Variants in MAPK4 observed in about 807,000 individuals in gnomAD.
The protein encoded by MAPK4 is Erk3-related.
A neutral mutation model predicts 47.7 loss-of-function variants in MAPK4; 22 were observed. The observed-to-expected ratio is 0.46, with a 90% CI of 0.33 to 0.66. MAPK4 has a LOEUF of 0.66. Among genes scored for constraint, MAPK4 ranks in the 30% least tolerant of loss-of-function variants. The pLI is 0.02. For synonymous variants in MAPK4, 390 were observed against 365.7 expected (o/e 1.07, Z -0.76); for missense variants, 736 against 831.7 (o/e 0.88, Z 1.42).
At chr18:50,722,224 AG>A (rs1199229149) in intron 4 of MAPK4, 125 bp downstream of exon 4, 27 of 1,108,530 alleles carry the variant, frequency 2.4e-5, no homozygotes, top group Non-Finnish European at 3.2e-5. Context: ...ATAAAAGTCA[AG>A]GCTCCCCTGC....
chr18:50,726,192 G>A lies in MAPK4; in HGVS notation c.1067+17G>A. 6.2e-7 allele frequency: 1 copy of A among 1,611,460 alleles called. No individual in the cohort carries two copies. On this transcript the variant is annotated intron_variant, in intron 5 of 5. Coordinates refer to ENST00000400384, the MANE Select transcript of MAPK4 (RefSeq NM_002747.4). ...CAGTTCCAGGTGCTCGCAGCCCTGG[G>A]TTCCAGAGCCCACATTTCCCTGTCC...
intron 1 of MAPK4, among the ~76,000 whole-genome samples, chr18:50,567,739 T>A (rs930702488): frequency 2.0e-5 from 3 of 151,870 alleles, no homozygotes; most frequent in Non-Finnish European, 4.4e-5. Context: ...TTTGTGTGTG[T>A]GTGTGTGTGT....
intron 2 of MAPK4, among the ~76,000 whole-genome samples, chr18:50,679,872 G>T (rs1258504870): frequency 6.6e-6 from 1 of 151,906 alleles, no homozygotes; most frequent in Non-Finnish European, 1.5e-5. Context: ...TGTCCCTCCT[G>T]GTGGCCTCTC....
At chr18:50,681,636 T>C (rs1230191781) in intron 2 of MAPK4, among the ~76,000 whole-genome samples, 2 of 152,348 alleles carry the variant, frequency 1.3e-5, no homozygotes, top group Middle Eastern at 3.4e-3. Context: ...TTCTTTTGCA[T>C]GTGGGTAATG....
At chr18:50,686,871 C>T (rs146929031) in intron 2 of MAPK4, among the ~76,000 whole-genome samples, 3 of 152,318 alleles carry the variant, frequency 2.0e-5, no homozygotes, top group Non-Finnish European at 4.4e-5. Context: ...GATCTGAGGT[C>T]CCTGGCAAAT....
intron 2 of MAPK4, among the ~76,000 whole-genome samples, chr18:50,690,218 A>C (rs759292706): frequency 2.0e-4 from 30 of 152,336 alleles, no homozygotes; most frequent in Non-Finnish European, 1.2e-4. Context: ...GCTTCTTCCC[A>C]GGGCTTTTTC....
chr18:50,566,935 T>G (rs1212719445), intron 1 of MAPK4, among the ~76,000 whole-genome samples: 3 of 152,232 alleles, frequency 2.0e-5, no homozygotes, highest in Non-Finnish European at 4.4e-5. Context: ...TCAAGCTCAT[T>G]TGAACAATTG....
At chr18:50,635,743 C>T (rs1299578413) in intron 1 of MAPK4, among the ~76,000 whole-genome samples, 3 of 152,322 alleles carry the variant, frequency 2.0e-5, no homozygotes, top group East Asian at 3.9e-4. Flanking sequence ...AAGGCCCCTG[C>T]AGTCTGGTCC....
At chr18:50,626,757 A>G (rs2144142038) in intron 1 of MAPK4, among the ~76,000 whole-genome samples, 1 of 152,254 alleles carries the variant, frequency 6.6e-6, no homozygotes, top group Middle Eastern at 3.4e-3. Context: ...CTCAGCATGA[A>G]CACAGCTTGT....
intron 2 of MAPK4, among the ~76,000 whole-genome samples, chr18:50,686,099 A>G (rs1908868357): frequency 6.6e-6 from 1 of 152,136 alleles, no homozygotes; most frequent in Admixed American, 6.5e-5. Context: ...GAACAGCAAA[A>G]CAAAAATAAG....
At chr18:50,611,107 C>T (rs1414818160) in intron 1 of MAPK4, among the ~76,000 whole-genome samples, 1 of 152,104 alleles carries the variant, frequency 6.6e-6, no homozygotes, top group Non-Finnish European at 1.5e-5. Flanking sequence ...GTGACATGAA[C>T]CCAACAAGCA....
chr18:50,699,498 A>C (rs1909671787), intron 2 of MAPK4, among the ~76,000 whole-genome samples: 1 of 152,254 alleles, frequency 6.6e-6, no homozygotes, highest in African/African-American at 2.4e-5. Context: ...TAAATATAAG[A>C]TCAATATACA....
intron 2 of MAPK4, among the ~76,000 whole-genome samples, chr18:50,713,249 A>T (rs1411895814): frequency 6.6e-6 from 1 of 152,196 alleles, no homozygotes; most frequent in African/African-American, 2.4e-5. Context: ...ACCCTATGTA[A>T]ATTATACTTC....
chr18:50,600,018 T>A (rs1471805107), intron 1 of MAPK4, among the ~76,000 whole-genome samples: 1 of 152,222 alleles, frequency 6.6e-6, no homozygotes, highest in Non-Finnish European at 1.5e-5. Flanking sequence ...AGTCTCCTTA[T>A]GACTTGGTTT....
intron 1 of MAPK4, among the ~76,000 whole-genome samples, chr18:50,605,691 G>A (rs1046665977): frequency 2.6e-5 from 4 of 152,202 alleles, no homozygotes; most frequent in Non-Finnish European, 5.9e-5. Context: ...CAGGGAACAA[G>A]AAGCAGGAGG....
chr18:50,629,934 G>C (rs16952239), intron 1 of MAPK4: 4,843 of 152,248 alleles, frequency 0.032, 235 homozygotes, highest in African/African-American at 0.11. Flanking sequence ...GCCCATCACT[G>C]TTGTAGGACC....
chr18:50,653,116 G>A (rs954348919), intron 1 of MAPK4, among the ~76,000 whole-genome samples: 1 of 151,998 alleles, frequency 6.6e-6, no homozygotes, highest in Non-Finnish European at 1.5e-5. Flanking sequence ...TTAAGCCCAC[G>A]AGTTTGAGGC....
chr18:50,680,590 CCT>C (rs1003753558), intron 2 of MAPK4, among the ~76,000 whole-genome samples: 3 of 151,978 alleles, frequency 2.0e-5, no homozygotes, highest in Non-Finnish European at 4.4e-5. Context: ...CCACAAGGTC[CCT>C]CATCCCCCAA....
At chr18:50,679,560 C>T (rs1223698206) in intron 2 of MAPK4, among the ~76,000 whole-genome samples, 1 of 152,188 alleles carries the variant, frequency 6.6e-6, no homozygotes, top group South Asian at 2.1e-4. Flanking sequence ...CACAAAGGAG[C>T]CCCTAGGGTT....
Sources: gnomAD v4.1 joint callset for allele counts (sites outside exome capture counted in the v4.1 genomes callset) on GRCh38, gnomAD v4.1.1 for gene constraint, MANE v1.5 for transcripts, NCBI Gene and HGNC (gene_info 2026-07-23, HGNC 2026-07-21) for gene names.